Variants in COLEC10 observed in about 807,000 individuals in gnomAD.
COLEC10 encodes collectin-10.
A neutral mutation model predicts 28.4 loss-of-function variants in COLEC10; 22 were observed. The observed-to-expected ratio is 0.78, with a 90% CI of 0.55 to 1.11. The LOEUF is 1.11. COLEC10 is among the 50% of genes least tolerant of loss of function. The pLI is 0.00. For synonymous variants in COLEC10, 125 were observed against 116.1 expected (o/e 1.08, Z -0.49); for missense variants, 361 against 344.1 (o/e 1.05, Z -0.39).
chr8:118,995,822 T>A (rs1370616276), intron 1 of COLEC10, among the ~76,000 whole-genome samples: 2 of 152,154 alleles, frequency 1.3e-5, no homozygotes, highest in Non-Finnish European at 2.9e-5. Context: ...AGCAAATAGA[T>A]ATTTTAATGA....
At chr8:119,103,649 T>C (rs1297953197) in intron 4 of COLEC10, 151 bp from the exon 5 acceptor site, 1 of 532,296 alleles carries the variant, frequency 1.9e-6, no homozygotes, top group Non-Finnish European at 3.4e-6. Flanking sequence ...TTGGAAACCT[T>C]ATTTTAAATA....
chr8:119,097,412 C>T (rs552859292), intron 3 of COLEC10, among the ~76,000 whole-genome samples: 1 of 152,026 alleles, frequency 6.6e-6, no homozygotes, highest in African/African-American at 2.4e-5. Flanking sequence ...GCCAAACATA[C>T]ATAGCTAATT....
chr8:119,023,533 C>T (rs1183017446), intron 2 of COLEC10, among the ~76,000 whole-genome samples: 6 of 152,082 alleles, frequency 3.9e-5, no homozygotes, highest in Non-Finnish European at 8.8e-5. Flanking sequence ...CTTATTTTAA[C>T]CTCTAGTTTC....
At chr8:119,105,715 A>T in intron 5 of COLEC10, 85 bp from the exon 6 acceptor site, 4 of 1,198,782 alleles carry the variant, frequency 3.3e-6, no homozygotes, top group Admixed American at 2.7e-5. Flanking sequence ...TGAATAAATA[A>T]ATGTAAATCT....
chr8:118,968,417 C>T, the COLEC10 span, among the ~76,000 whole-genome samples: 5 of 151,946 alleles, frequency 3.3e-5, no homozygotes, highest in Admixed American at 1.3e-4. Context: ...ATTTCTCTTT[C>T]AGCAACTCTG....
chr8:119,074,991 T>C (rs11989972), intron 1 of COLEC10, among the ~76,000 whole-genome samples: 10,795 of 152,198 alleles, frequency 0.071, 1,239 homozygotes, highest in African/African-American at 0.24. Flanking sequence ...GCACTTGAAG[T>C]AGTCTCAGGG....
At position 119,106,990 on chromosome 8, in the gene COLEC10, T is replaced by C. The variant is rs1273293004; in HGVS notation, c.*799T>C. ...AAAATGGGGAATTGTTCACAAACAA[T>C]ACTGGTTATAGTTCTCTTGCTAAAT... On this transcript the variant is annotated 3_prime_UTR_variant, in exon 6 of 6. Coordinates refer to ENST00000332843, the MANE Select transcript of COLEC10 (RefSeq NM_006438.5). Among the ~76,000 whole-genome samples, 1 of 152,162 alleles carries C rather than the reference T, an allele frequency of 6.6e-6. No homozygotes were observed. The highest frequency in any genetic ancestry group is 1.5e-5 in the Non-Finnish European group (1 of 68,032).
chr8:119,013,763 T>G (rs1395035155), intron 2 of COLEC10, among the ~76,000 whole-genome samples: 1 of 150,824 alleles, frequency 6.6e-6, no homozygotes, highest in Non-Finnish European at 1.5e-5. Context: ...TAAAGTCTTG[T>G]TTGTCTGGAA....
the COLEC10 span, among the ~76,000 whole-genome samples, chr8:118,988,039 G>A: frequency 6.6e-6 from 1 of 152,118 alleles, no homozygotes; most frequent in Non-Finnish European, 1.5e-5. Context: ...GGAGAGACAG[G>A]TGCATCCAGA....
the COLEC10 span, among the ~76,000 whole-genome samples, chr8:118,966,868 T>G: frequency 1.3e-5 from 2 of 152,132 alleles, no homozygotes; most frequent in Non-Finnish European, 2.9e-5. Flanking sequence ...GTTTAAGCCT[T>G]TCTAATTTCA....
At chr8:118,983,388 G>A in the COLEC10 span, among the ~76,000 whole-genome samples, 1 of 152,096 alleles carries the variant, frequency 6.6e-6, no homozygotes, top group Non-Finnish European at 1.5e-5. Flanking sequence ...ATATGTTAAA[G>A]CAGATATCAC....
chr8:118,959,934 A>G, the COLEC10 span, among the ~76,000 whole-genome samples: 1 of 152,386 alleles, frequency 6.6e-6, no homozygotes, highest in Admixed American at 6.5e-5. Flanking sequence ...GTCAGAAGGC[A>G]TAATGATGTG....
At chr8:118,990,353 C>T in the COLEC10 span, among the ~76,000 whole-genome samples, 1 of 152,068 alleles carries the variant, frequency 6.6e-6, no homozygotes, top group Non-Finnish European at 1.5e-5. Flanking sequence ...ATAATTTTTA[C>T]TTACATTGTT....
At chr8:119,019,789 T>A (rs995434327) in intron 2 of COLEC10, among the ~76,000 whole-genome samples, 1 of 152,178 alleles carries the variant, frequency 6.6e-6, no homozygotes, top group African/African-American at 2.4e-5. Context: ...ACACCCAGTA[T>A]CAAGCACAGC....
At chr8:119,012,701 A>G (rs962625801) in intron 2 of COLEC10, among the ~76,000 whole-genome samples, 9 of 150,576 alleles carry the variant, frequency 6.0e-5, no homozygotes, top group African/African-American at 2.0e-4. Context: ...GTTTTGGCAG[A>G]TTGTGTTTTT....
At chr8:119,080,989 A>G (rs938727350) in intron 1 of COLEC10, among the ~76,000 whole-genome samples, 1 of 152,082 alleles carries the variant, frequency 6.6e-6, no homozygotes, top group Non-Finnish European at 1.5e-5. Context: ...ATGTTACTGT[A>G]ATCCTTTTAT....
At chr8:118,964,910 A>C in the COLEC10 span, among the ~76,000 whole-genome samples, 6 of 152,194 alleles carry the variant, frequency 3.9e-5, no homozygotes, top group African/African-American at 1.4e-4. Flanking sequence ...TTTGTAGCAG[A>C]ATAAGTGTAA....
In COLEC10 at chr8:119,080,901, T is replaced by C. The variant is rs186243465; in HGVS notation, c.149-8779T>C. Among the ~76,000 whole-genome samples the C allele has an allele frequency of 5.3e-5, 8 of 152,276 alleles. No homozygotes were observed. In the East Asian group the frequency reaches 1.5e-3, roughly 29 times the overall value. On this transcript the variant is annotated intron_variant, in intron 1 of 5. Coordinates refer to ENST00000332843, the MANE Select transcript of COLEC10 (RefSeq NM_006438.5). ...TATATGTAACATGGAGCTCACTCTA[T>C]ATCCAAGAGCTTTTGCTAACTCCTT...
In COLEC10 at chr8:119,092,989, C is replaced by T. The variant is rs7013744; in HGVS notation, c.292+1769C>T. Among the ~76,000 whole-genome samples, 484 of 152,062 alleles carry T rather than the reference C, an allele frequency of 3.2e-3. 1 individual carries two copies. The highest frequency in any genetic ancestry group is 0.011 in the African/African-American group (467 of 41,452). ...GAGAGTAAGCAGCAAGACTGATATG[C>T]GAAAGAACAGACCTAGGTCTTGAAG... On this transcript the variant is annotated intron_variant, in intron 3 of 5. Transcript: ENST00000332843.
Sources: gnomAD v4.1 joint callset for allele counts (sites outside exome capture counted in the v4.1 genomes callset) on GRCh38, gnomAD v4.1.1 for gene constraint, MANE v1.5 for transcripts, NCBI Gene and HGNC (gene_info 2026-07-23, HGNC 2026-07-21) for gene names.